The following LRRC53 variants were observed in gnomAD, a reference collection of about 807,000 sequenced individuals.
LRRC53 encodes leucine-rich repeat-containing protein 53.
Under a neutral mutation model 13.6 loss-of-function variants are expected in LRRC53, and 25 were observed. That is an observed-to-expected ratio of 1.83 (90% confidence interval 1.34 to 2.56). The LOEUF is 2.56. LRRC53 is among the 30% of genes most tolerant of loss of function. The probability of loss-of-function intolerance (pLI) is 0.00; values close to 1 mark genes in which losing one functional copy is unlikely to be tolerated. For synonymous variants in LRRC53, 204 were observed against 109.8 expected, an observed-to-expected ratio of 1.86 and a Z score of -5.37; for missense variants, 527 against 275.8, an observed-to-expected ratio of 1.91 and a Z score of -6.45.
At chr1:74,483,429 T>A (rs2100267814) in intron 1 of LRRC53, 54 bp from the exon 2 acceptor site, 1 of 700,960 alleles carries the variant, frequency 1.4e-6, no homozygotes, top group South Asian at 1.5e-5. Flanking sequence ...TCACTGTCCA[T>A]TATTTCTGTA....
intron 1 of LRRC53, chr1:74,492,368 C>A: frequency 1.8e-5 from 23 of 1,311,160 alleles, no homozygotes; most frequent in Non-Finnish European, 2.2e-5. Context: ...TGATTACCCC[C>A]TGAAAAACTT....
Position 74,475,617 on chromosome 1 carries a change from G to A in LRRC53, c.1098C>T (p.Val366=). ...CHLTQENEIK[V]MSTVGSRKEM... ...CTTTTCTGGACCCCACAGTGGACAT[G>A]ACCTTTATCTCGTTTTCCTGAGTTA... The change falls in exon 4 of 5, where the codon GTC becomes GTT. Residue 366 remains valine (V), a synonymous_variant. Coordinates refer to ENST00000294635, the MANE Select transcript of LRRC53 (RefSeq NM_001382280.1). 1.4e-6 allele frequency: 1 copy of A among 717,246 alleles called. No homozygotes were observed. The highest frequency in any genetic ancestry group is 2.6e-6 in the Non-Finnish European group (1 of 384,918). The allele number at this position is 717,246 out of a possible 1,614,324, so 44.4% of individuals were successfully genotyped here.
chr1:74,515,933 G>T (rs535281902), upstream of LRRC53, among the ~76,000 whole-genome samples: 2 of 152,130 alleles, frequency 1.3e-5, no homozygotes, highest in Admixed American at 1.3e-4. Flanking sequence ...TGCCTTCAAG[G>T]TTCTGATGTC....
At chr1:74,490,895 A>T (rs1445620983) in intron 1 of LRRC53, among the ~76,000 whole-genome samples, 1 of 152,228 alleles carries the variant, frequency 6.6e-6, no homozygotes, top group Non-Finnish European at 1.5e-5. Flanking sequence ...CCAAAGAAAA[A>T]ATAATAAAAG....
chr1:74,492,291 C>T, intron 1 of LRRC53: 1 of 1,465,848 alleles, frequency 6.8e-7, no homozygotes, highest in Non-Finnish European at 9.2e-7. Context: ...AAGCAAATCT[C>T]ACAGTAAAGT....
intron 1 of LRRC53, among the ~76,000 whole-genome samples, chr1:74,490,660 C>T (rs1669022830): frequency 1.3e-5 from 2 of 152,140 alleles, no homozygotes; most frequent in Admixed American, 6.5e-5. Context: ...TTGACTTGCG[C>T]AGTTTCATAA....
the LRRC53 span, among the ~76,000 whole-genome samples, chr1:74,521,394 C>G: frequency 8.4e-3 from 1,285 of 152,220 alleles, 15 homozygotes; most frequent in African/African-American, 0.029. Flanking sequence ...CAATACCTGG[C>G]ACATAGTTAC....
chr1:74,489,364 A>C, intron 1 of LRRC53: 1 of 1,024,442 alleles, frequency 9.8e-7, no homozygotes, highest in Non-Finnish European at 1.4e-6. Context: ...CCATAACTCC[A>C]TCCATATTTG....
At chr1:74,482,732 A>G (rs910679570) in intron 2 of LRRC53, among the ~76,000 whole-genome samples, 1 of 152,218 alleles carries the variant, frequency 6.6e-6, no homozygotes, top group Non-Finnish European at 1.5e-5. Flanking sequence ...TAAATTGTTG[A>G]CTTAAGCAAG....
the LRRC53 span, among the ~76,000 whole-genome samples, chr1:74,531,976 G>A: frequency 6.6e-6 from 1 of 152,296 alleles, no homozygotes; most frequent in African/African-American, 2.4e-5. Flanking sequence ...TAGCCTGAGG[G>A]CATTGTTAGC....
chr1:74,528,696 C>G, the LRRC53 span, among the ~76,000 whole-genome samples: 1 of 152,154 alleles, frequency 6.6e-6, no homozygotes, highest in South Asian at 2.1e-4. Flanking sequence ...TTTGACAGAG[C>G]AAAGTCTTAA....
At chr1:74,506,200 G>A (rs545420026) in intron 1 of LRRC53, among the ~76,000 whole-genome samples, 8 of 152,300 alleles carry the variant, frequency 5.3e-5, no homozygotes, top group South Asian at 2.1e-4. Context: ...ACATAGAACA[G>A]AAATGTGTAT....
At chr1:74,522,184 G>A in the LRRC53 span, among the ~76,000 whole-genome samples, 1 of 152,188 alleles carries the variant, frequency 6.6e-6, no homozygotes. Flanking sequence ...TCAGACCCTT[G>A]ATGAATCAGG....
the LRRC53 span, among the ~76,000 whole-genome samples, chr1:74,532,742 G>A: frequency 6.6e-6 from 1 of 151,386 alleles, no homozygotes; most frequent in East Asian, 1.9e-4. Context: ...ACAGAACAGA[G>A]CCCTCAGAAA....
Position 74,480,930 on chromosome 1 carries a change from C to A in LRRC53, c.127G>T (p.Gly43Ter). Residue 43 changes from glycine to a stop codon, truncating the protein, a stop_gained, in exon 3 of 5, where the codon GGA becomes TGA. Coordinates refer to ENST00000294635, the MANE Select transcript of LRRC53 (RefSeq NM_001382280.1). LOFTEE classifies it high-confidence loss of function. ...GTGCTCTCAATAGAGGAGAGATATC[C>A]ATCGGTGATGATTAAAACCCTCGTG... is the stretch of plus-strand genomic sequence containing the variant. ...MTTRVLIITDGYLSSIESTNL... is the reference protein window; with the variant it reads ...MTTRVLIITD 1 of 717,084 alleles carries A rather than the reference C, an allele frequency of 1.4e-6. No homozygotes were observed. The highest frequency in any genetic ancestry group is 2.6e-6 in the Non-Finnish European group (1 of 384,926). 44.4% of individuals were successfully genotyped at this position (717,084 alleles called of 1,614,324 possible). A position where few individuals can be genotyped will look rare whatever the true frequency, so the allele number is the denominator to read the frequency against.
chr1:74,535,818 G>T, the LRRC53 span, among the ~76,000 whole-genome samples: 1 of 152,100 alleles, frequency 6.6e-6, no homozygotes, highest in Non-Finnish European at 1.5e-5. Flanking sequence ...AGTCACAATT[G>T]AATCTAACCA....
intron 1 of LRRC53, among the ~76,000 whole-genome samples, chr1:74,490,381 T>C (rs1669004631): frequency 6.6e-6 from 1 of 152,154 alleles, no homozygotes; most frequent in South Asian, 2.1e-4. Context: ...AAATATCCTC[T>C]CATTTTGAAA....
chr1:74,478,414 A>G (rs1043456618), intron 3 of LRRC53, among the ~76,000 whole-genome samples: 1 of 152,232 alleles, frequency 6.6e-6, no homozygotes, highest in African/African-American at 2.4e-5. Context: ...TCTCAATACT[A>G]ATAAAGAACT....
intron 1 of LRRC53, among the ~76,000 whole-genome samples, chr1:74,509,564 T>C (rs1192649056): frequency 1.3e-5 from 2 of 152,070 alleles, no homozygotes; most frequent in Non-Finnish European, 2.9e-5. Flanking sequence ...TAATATTTTA[T>C]CAGATTAACA....
Sources: allele counts gnomAD v4.1 joint callset (sites outside exome capture counted in the v4.1 genomes callset), GRCh38; gene constraint gnomAD v4.1.1; transcripts MANE v1.5; gene names NCBI Gene and HGNC (gene_info 2026-07-23, HGNC 2026-07-21).